LIMS1: variants seen among roughly 807,000 people sequenced by gnomAD.
The protein encoded by LIMS1 is LIM zinc finger domain containing 1.
LIMS1 carries 18 observed loss-of-function variants against 44.1 expected under a neutral mutation model. That is an observed-to-expected ratio of 0.41 (90% CI 0.28 to 0.61). The LOEUF is 0.61. Among genes scored for constraint, LIMS1 ranks in the 20% least tolerant of loss-of-function variants. The probability of loss-of-function intolerance (pLI) is 0.32; values close to 1 mark genes in which losing one functional copy is unlikely to be tolerated. For missense variants in LIMS1, 201 were observed against 422.0 expected (o/e 0.48, Z 4.59); for synonymous variants, 93 against 149.1 (o/e 0.62, Z 2.74).
intron 1 of LIMS1, among the ~76,000 whole-genome samples, chr2:108,583,349 G>A (rs997598718): frequency 1.3e-5 from 2 of 151,448 alleles, no homozygotes; most frequent in African/African-American, 4.8e-5. Flanking sequence ...GGCCCAAAGG[G>A]TTTTGTTTTT....
chr2:108,591,614 C>G (rs907772900), intron 1 of LIMS1, among the ~76,000 whole-genome samples: 1 of 151,978 alleles, frequency 6.6e-6, no homozygotes, highest in Non-Finnish European at 1.5e-5. Flanking sequence ...CACACACCAC[C>G]ATGCCTGGCT....
chr2:108,595,005 G>A (rs1686594074), intron 1 of LIMS1, among the ~76,000 whole-genome samples: 1 of 152,184 alleles, frequency 6.6e-6, no homozygotes, highest in Non-Finnish European at 1.5e-5. Context: ...GAGATGGAAA[G>A]CTCTGTGGAA....
chr2:108,578,538 G>A (rs1309383954), intron 1 of LIMS1, among the ~76,000 whole-genome samples: 4 of 150,154 alleles, frequency 2.7e-5, no homozygotes, highest in Non-Finnish European at 5.9e-5. Context: ...AAGCATTTCC[G>A]TTATCATAAG....
At chr2:108,579,619 C>G (rs536166889) in intron 1 of LIMS1, among the ~76,000 whole-genome samples, 84 of 152,308 alleles carry the variant, frequency 5.5e-4, no homozygotes, top group African/African-American at 2.0e-3. Flanking sequence ...TATTTTTAAA[C>G]TTGTGTTACA....
At chr2:108,559,676 G>A (rs1356530641) in intron 1 of LIMS1, among the ~76,000 whole-genome samples, 1 of 152,110 alleles carries the variant, frequency 6.6e-6, no homozygotes, top group African/African-American at 2.4e-5. Flanking sequence ...GAAATATTCT[G>A]TCTTCGATGT....
chr2:108,540,355 C>G (rs965171584), intron 1 of LIMS1, among the ~76,000 whole-genome samples: 1 of 152,092 alleles, frequency 6.6e-6, no homozygotes, highest in African/African-American at 2.4e-5. Flanking sequence ...CCTGCCACAA[C>G]ACCTGGCTAA....
At chr2:108,621,575 C>T in intron 1 of LIMS1, 1 of 749,058 alleles carries the variant, frequency 1.3e-6, no homozygotes, top group East Asian at 2.7e-5. Context: ...AAAGTAGCCT[C>T]TTAGTCTGTA....
chr2:108,581,295 C>T (rs1685876301), intron 1 of LIMS1, among the ~76,000 whole-genome samples: 1 of 152,158 alleles, frequency 6.6e-6, no homozygotes, highest in African/African-American at 2.4e-5. Context: ...TCGTAAGCTG[C>T]CAACTAACAT....
chr2:108,549,185 A>T (rs1684591994), intron 1 of LIMS1, among the ~76,000 whole-genome samples: 5 of 145,512 alleles, frequency 3.4e-5, no homozygotes, highest in African/African-American at 1.3e-4. Context: ...AGTGAAGTAT[A>T]TTTGTGGGTA....
chr2:108,681,023 A>T (rs1692958034), intron 9 of LIMS1: 1 of 1,280,046 alleles, frequency 7.8e-7, no homozygotes, highest in Non-Finnish European at 9.9e-7. Flanking sequence ...GTTATGAGAA[A>T]ATGCCAGAAG....
At chr2:108,539,093 T>C (rs1684232672) in intron 1 of LIMS1, among the ~76,000 whole-genome samples, 1 of 152,142 alleles carries the variant, frequency 6.6e-6, no homozygotes. Context: ...TTTGTTTTGT[T>C]TTGTTTTTGA....
At chr2:108,540,850 A>G (rs941000158) in intron 1 of LIMS1, among the ~76,000 whole-genome samples, 9 of 152,148 alleles carry the variant, frequency 5.9e-5, no homozygotes, top group Non-Finnish European at 8.8e-5. Context: ...CCTCTGCTAT[A>G]TTACGTTGGT....
exon 10 of LIMS1, chr2:108,684,022 A>G (rs1184255665): frequency 5.7e-6 from 7 of 1,231,562 alleles, no homozygotes; most frequent in Middle Eastern, 1.9e-4. Flanking sequence ...TTTCTTTTCT[A>G]TGCAAGATAA....
chr2:108,645,820 CA>C (rs57714697), intron 1 of LIMS1, among the ~76,000 whole-genome samples: 4,055 of 103,530 alleles, frequency 0.039, 121 homozygotes, highest in South Asian at 0.18. Flanking sequence ...AAATGGAAAG[CA>C]AAAAAAAAAA....
At chr2:108,642,358 G>GTTTTTTTTTTTTTTTT (rs1199203526) in intron 1 of LIMS1, among the ~76,000 whole-genome samples, 1 of 18,462 alleles carries the variant, frequency 5.4e-5, no homozygotes, top group African/African-American at 1.0e-4. Context: ...TTTTTTTTTT[G>GTTTTTTTTTTTTTTTT]TTTTTTGTTT....
chr2:108,583,835 C>T (rs1685989634), intron 1 of LIMS1, among the ~76,000 whole-genome samples: 1 of 151,722 alleles, frequency 6.6e-6, no homozygotes, highest in South Asian at 2.1e-4. Context: ...ACTGGGACCA[C>T]AGGCGCCCAC....
At chr2:108,669,926 T>C (rs1692054338) in intron 2 of LIMS1, among the ~76,000 whole-genome samples, 1 of 152,182 alleles carries the variant, frequency 6.6e-6, no homozygotes, top group Non-Finnish European at 1.5e-5. Context: ...GTCTTGCTTG[T>C]CCTATACTAA....
chr2:108,603,968 G>A (rs1324586215), intron 1 of LIMS1, among the ~76,000 whole-genome samples: 1 of 151,954 alleles, frequency 6.6e-6, no homozygotes, highest in African/African-American at 2.4e-5. Context: ...TAGACATTTA[G>A]AGCTATAAAC....
chr2:108,627,813 T>A (rs1003251273), intron 1 of LIMS1, among the ~76,000 whole-genome samples: 1 of 152,226 alleles, frequency 6.6e-6, no homozygotes, highest in African/African-American at 2.4e-5. Context: ...TTTTCTTATT[T>A]AAAAAAATCT....
Sources: gnomAD v4.1 joint callset for allele counts (sites outside exome capture counted in the v4.1 genomes callset) on GRCh38, gnomAD v4.1.1 for gene constraint, MANE v1.5 for transcripts, NCBI Gene and HGNC (gene_info 2026-07-23, HGNC 2026-07-21) for gene names.